Variants in UBR3 observed in about 807,000 individuals in gnomAD.
UBR3 encodes E3 ubiquitin-protein ligase UBR3.
In UBR3, 85 loss-of-function variants were observed where a neutral mutation model predicts 243.2. The observed-to-expected ratio is 0.35, with a 90% CI of 0.29 to 0.42. The LOEUF (loss-of-function observed/expected upper bound fraction) is 0.42, where lower values mean the gene tolerates loss of function less well. UBR3 is among the 10% of genes least tolerant of loss of function. The pLI, the probability that UBR3 is intolerant of heterozygous loss-of-function variation, is 1.00. For missense variants in UBR3, 1,686 were observed against 2,300.8 expected (o/e 0.73, Z 5.47); for synonymous variants, 748 against 799.8 (o/e 0.94, Z 1.09).
At chr2:169,853,930 C>A (rs556900879) in intron 1 of UBR3, among the ~76,000 whole-genome samples, 44 of 151,752 alleles carry the variant, frequency 2.9e-4, no homozygotes, top group Middle Eastern at 3.4e-3. Flanking sequence ...TTGGGCAAAC[C>A]AAACACCACA....
Position 169,875,798 on chromosome 2 carries a change from T to G in UBR3, c.693T>G (p.Asp231Glu). ...LREGYNEPAA[D>E]GPSEKDLNKV... ...TTTCTTTTTTTCTTTTAGCAGCTGA[T>G]GGACCATCAGAAAAGGACCTTAACA... is the stretch of plus-strand genomic sequence containing the variant. Residue 231 changes from aspartate to glutamate, a missense_variant, in exon 3 of 39, where the codon GAT becomes GAG. Coordinates refer to ENST00000272793, the MANE Select transcript of UBR3 (RefSeq NM_172070.4). 6.6e-7 allele frequency: 1 copy of G among 1,522,860 alleles called. No homozygotes were observed. 94.3% of individuals were successfully genotyped at this position (1,522,860 alleles called of 1,614,324 possible).
intron 1 of UBR3, among the ~76,000 whole-genome samples, chr2:169,853,081 A>G (rs1259605173): frequency 6.6e-6 from 1 of 152,232 alleles, no homozygotes; most frequent in African/African-American, 2.4e-5. Flanking sequence ...TACACACCAT[A>G]TGATAGCCTA....
In UBR3 at chr2:169,940,704, C is replaced by T. The variant is rs375439074; in HGVS notation, c.2664-1789C>T. 2.3e-4 allele frequency among the ~76,000 whole-genome samples: 35 copies of T among 152,104 alleles called. No individual in the cohort carries two copies. The South Asian group carries it at 7.1e-3, about 31-fold the overall frequency. On this transcript the variant is annotated intron_variant, in intron 19 of 38. Transcript: ENST00000272793. ...TCCTTTACTATGGTTGTAGATTTGT[C>T]GTTTTCTCTGTGTAATTCCCTCAAA...
intron 36 of UBR3, 124 bp downstream of exon 36, chr2:170,073,731 G>A (rs2091748826): frequency 5.3e-6 from 5 of 942,104 alleles, no homozygotes; most frequent in South Asian, 3.8e-5. Context: ...TGATTAAATT[G>A]AAAAAATTGT....
intron 24 of UBR3, among the ~76,000 whole-genome samples, chr2:169,970,408 T>C (rs1231102117): frequency 3.5e-5 from 5 of 141,334 alleles, no homozygotes; most frequent in Non-Finnish European, 7.7e-5. Flanking sequence ...TGTGTCATGC[T>C]GGTGCGCTGC....
At chr2:169,901,930 C>CT (rs993335723) in intron 8 of UBR3, among the ~76,000 whole-genome samples, 1 of 152,188 alleles carries the variant, frequency 6.6e-6, no homozygotes, top group African/African-American at 2.4e-5. Context: ...CCTTTCCTCC[C>CT]TGCATATCAA....
At chr2:169,972,195 T>C (rs1293157649) in intron 24 of UBR3, among the ~76,000 whole-genome samples, 12 of 151,860 alleles carry the variant, frequency 7.9e-5, no homozygotes, top group Admixed American at 7.2e-4. Flanking sequence ...ACACATACAC[T>C]CTCCCAAGAC....
intron 30 of UBR3, among the ~76,000 whole-genome samples, chr2:170,020,657 C>A (rs1005584132): frequency 6.6e-6 from 1 of 152,154 alleles, no homozygotes; most frequent in African/African-American, 2.4e-5. Flanking sequence ...AGGCAAATAG[C>A]TGGACTAGGA....
intron 3 of UBR3, among the ~76,000 whole-genome samples, chr2:169,876,207 A>C (rs887595630): frequency 6.6e-6 from 1 of 150,542 alleles, no homozygotes; most frequent in Non-Finnish European, 1.5e-5. Flanking sequence ...CAGCCTCCCG[A>C]GTAGCTGGGA....
At chr2:169,905,081 T>C (rs1410407144) in intron 8 of UBR3, 33 bp from the exon 9 acceptor site, 35 of 1,422,070 alleles carry the variant, frequency 2.5e-5, no homozygotes, top group Middle Eastern at 2.0e-4. Context: ...AAAAATCTTA[T>C]GAAATTTTTG....
intron 11 of UBR3, among the ~76,000 whole-genome samples, chr2:169,914,870 GTGTT>G (rs374496744): frequency 0.068 from 3,319 of 48,584 alleles, 98 homozygotes; most frequent in African/African-American, 0.11. Flanking sequence ...GTGTGTGTGT[GTGTT>G]TTTTTTCCTT....
At position 170,024,944 on chromosome 2, in the gene UBR3, G is replaced by A. The variant is rs537310608; in HGVS notation, c.4454-4402G>A. Reference sequence around the variant, plus strand: ...AGCAAATAGGTCAAGCACTGCTTTAGTAGTTAGAGTTGGGGGTCAGTCTCT... The same window carrying A: ...AGCAAATAGGTCAAGCACTGCTTTAATAGTTAGAGTTGGGGGTCAGTCTCT... On this transcript the variant is annotated intron_variant, in intron 30 of 38. Coordinates refer to ENST00000272793, the MANE Select transcript of UBR3 (RefSeq NM_172070.4). Among the ~76,000 whole-genome samples, 50 of 152,294 alleles carry A rather than the reference G, an allele frequency of 3.3e-4. No individual in the cohort carries two copies. The South Asian group carries it at 9.9e-3, about 30-fold the overall frequency.
At chr2:169,922,493 A>C (rs552394507) in intron 11 of UBR3, among the ~76,000 whole-genome samples, 5 of 152,252 alleles carry the variant, frequency 3.3e-5, no homozygotes, top group African/African-American at 1.2e-4. Flanking sequence ...AATCATTTTT[A>C]AGTGTATAGT....
At chr2:169,862,046 A>G (rs1034627944) in intron 1 of UBR3, among the ~76,000 whole-genome samples, 3 of 152,066 alleles carry the variant, frequency 2.0e-5, no homozygotes, top group Non-Finnish European at 2.9e-5. Flanking sequence ...CTGGACCCAT[A>G]TTATTTTTCA....
chr2:170,020,995 A>C (rs1394594224), intron 30 of UBR3, among the ~76,000 whole-genome samples: 3 of 152,040 alleles, frequency 2.0e-5, no homozygotes, highest in Non-Finnish European at 2.9e-5. Flanking sequence ...GAACACTTTC[A>C]GAGATAAGGA....
At chr2:169,854,553 T>C (rs1340448075) in intron 1 of UBR3, among the ~76,000 whole-genome samples, 1 of 152,064 alleles carries the variant, frequency 6.6e-6, no homozygotes, top group African/African-American at 2.4e-5. Context: ...AGATTAAGAG[T>C]TTCTGTATTG....
At chr2:169,851,716 T>C (rs911369172) in intron 1 of UBR3, among the ~76,000 whole-genome samples, 6 of 151,420 alleles carry the variant, frequency 4.0e-5, no homozygotes, top group African/African-American at 1.2e-4. Context: ...ATACAAAAAC[T>C]AGTACTAGTG....
At chr2:170,018,437 G>GCCCT (rs2090305947) in intron 30 of UBR3, among the ~76,000 whole-genome samples, 2 of 152,220 alleles carry the variant, frequency 1.3e-5, no homozygotes, top group South Asian at 4.1e-4. Context: ...CAGAGCTCTA[G>GCCCT]CCCTCCTCCT....
At chr2:169,851,021 T>C (rs2082638818) in intron 1 of UBR3, among the ~76,000 whole-genome samples, 1 of 152,238 alleles carries the variant, frequency 6.6e-6, no homozygotes, top group African/African-American at 2.4e-5. Context: ...CTTAAAAAAA[T>C]CTGATTTGAC....
Sources: allele counts gnomAD v4.1 joint callset (sites outside exome capture counted in the v4.1 genomes callset), GRCh38; gene constraint gnomAD v4.1.1; transcripts MANE v1.5; gene names NCBI Gene and HGNC (gene_info 2026-07-23, HGNC 2026-07-21).